Variants in GASK1A observed in about 807,000 individuals in gnomAD.
The protein encoded by GASK1A is golgi associated kinase 1A.
In GASK1A, 40 loss-of-function variants were observed where a neutral mutation model predicts 41.2. The observed-to-expected ratio is 0.97, with a 90% CI of 0.75 to 1.27. The LOEUF (loss-of-function observed/expected upper bound fraction) is 1.27, where lower values mean the gene tolerates loss of function less well. GASK1A is among the 50% of genes most tolerant of loss of function. The probability of loss-of-function intolerance (pLI) is 0.00; values close to 1 mark genes in which losing one functional copy is unlikely to be tolerated. For missense variants in GASK1A, 678 were observed against 745.1 expected (o/e 0.91, Z 1.05); for synonymous variants, 316 against 307.1 (o/e 1.03, Z -0.30).
At chr3:43,032,238 C>G in intron 1 of GASK1A, 29 bp from the exon 2 acceptor site, 1 of 1,477,918 alleles carries the variant, frequency 6.8e-7, no homozygotes, top group Non-Finnish European at 9.1e-7. Context: ...TCCCAGATCT[C>G]AAGCTTTTCT....
intron 1 of GASK1A, among the ~76,000 whole-genome samples, chr3:43,010,858 C>T (rs934522771): frequency 6.6e-6 from 1 of 152,154 alleles, no homozygotes; most frequent in African/African-American, 2.4e-5. Context: ...GGCAGACAGC[C>T]ATGGACACAT....
At chr3:43,006,509 T>C (rs1313679285) in intron 1 of GASK1A, among the ~76,000 whole-genome samples, 2 of 152,226 alleles carry the variant, frequency 1.3e-5, no homozygotes, top group Admixed American at 1.3e-4. Context: ...TTTTGAAGGC[T>C]TTGCTCAATG....
Position 43,041,044 on chromosome 3 carries a change from G to C in GASK1A, c.1290+7491G>C, listed in dbSNP as rs1388358691. Among the ~76,000 whole-genome samples the C allele has an allele frequency of 4.0e-5, 6 of 150,514 alleles. No individual in the cohort carries two copies. In the East Asian group the frequency reaches 1.2e-3, roughly 29 times the overall value. On this transcript the variant is annotated intron_variant, in intron 2 of 4. Transcript: ENST00000430121. ...CCAATTTCATCCATGTCCCTACAAA[G>C]GACATGAACTCATCATTTTTTATGG... is the stretch of plus-strand genomic sequence containing the variant.
chr3:43,019,634 G>A (rs2089511520), intron 1 of GASK1A, among the ~76,000 whole-genome samples: 1 of 152,108 alleles, frequency 6.6e-6, no homozygotes, highest in South Asian at 2.1e-4. Flanking sequence ...TTAACTCAGA[G>A]CCTAAGTAGT....
Position 43,033,362 on chromosome 3 carries a change from C to A in GASK1A, c.1099C>A (p.Pro367Thr). The A allele has an allele frequency of 6.4e-7, 1 of 1,551,550 alleles. No individual in the cohort carries two copies. The highest frequency in any genetic ancestry group is 1.2e-5 in the South Asian group (1 of 84,050). Residue 367 changes from proline (P) to threonine (T), a missense_variant, in exon 2 of 5, where the codon CCT (proline) becomes ACT (threonine). Physicochemically the swap from Pro to Thr is conservative, Grantham distance 38. Coordinates refer to ENST00000430121, the MANE Select transcript of GASK1A (RefSeq NM_001129908.3). ...PYRYTDGGARPVIWWAPDVQH... is the reference protein window; with the variant it reads ...PYRYTDGGARTVIWWAPDVQH... ...CCGATACACAGACGGTGGAGCAAGG[C>A]CTGTCATCTGGTGGGCACCCGATGT... is the stretch of plus-strand genomic sequence containing the variant.
chr3:43,001,165 T>A (rs2125676885), intron 1 of GASK1A, among the ~76,000 whole-genome samples: 1 of 152,322 alleles, frequency 6.6e-6, no homozygotes, highest in South Asian at 2.1e-4. Context: ...ATCTTCACCT[T>A]GGCAGAACCC....
chr3:42,990,514 G>A (rs1249377831), intron 1 of GASK1A, among the ~76,000 whole-genome samples: 2 of 152,150 alleles, frequency 1.3e-5, no homozygotes, highest in African/African-American at 4.8e-5. Flanking sequence ...TTTTTTATCA[G>A]AGAGGCATCT....
chr3:43,012,420 T>G (rs1400797357), intron 1 of GASK1A, among the ~76,000 whole-genome samples: 4 of 123,624 alleles, frequency 3.2e-5, no homozygotes, highest in African/African-American at 6.4e-5. Context: ...TTACAGGAAG[T>G]GGCTCTGTTA....
chr3:43,033,316 C>G lies in GASK1A; in HGVS notation c.1053C>G (p.Phe351Leu). 1 of 1,551,272 alleles carries G rather than the reference C, an allele frequency of 6.4e-7. No homozygotes were observed. Among genetic ancestry groups the G allele is most frequent in the Non-Finnish European group, 8.7e-7 (1 of 1,146,814 alleles). Residue 351 changes from phenylalanine (F) to leucine (L), a missense_variant, in exon 2 of 5, where the codon TTC (phenylalanine) becomes TTG (leucine). Transcript: ENST00000430121. ...GCCTACCTGCTGTGGCCCGCCGCTT[C>G]CATAGCCCCCTCCTGCCCTACCGAT... ...RRSLPAVARR[F>L]HSPLLPYRYT... is the part of the protein sequence containing the mutation.
chr3:43,027,184 C>T (rs530201424), intron 1 of GASK1A, among the ~76,000 whole-genome samples: 1 of 152,252 alleles, frequency 6.6e-6, no homozygotes, highest in Non-Finnish European at 1.5e-5. Context: ...TGCAAGAAAT[C>T]AGAGAATATT....
intron 1 of GASK1A, among the ~76,000 whole-genome samples, chr3:43,031,431 T>A (rs1373457782): frequency 6.6e-6 from 1 of 152,204 alleles, no homozygotes; most frequent in Non-Finnish European, 1.5e-5. Context: ...AATTCTGGTG[T>A]GGGGCCCTGA....
chr3:42,986,685 T>C (rs1427382021), intron 1 of GASK1A, among the ~76,000 whole-genome samples: 1 of 152,144 alleles, frequency 6.6e-6, no homozygotes, highest in Non-Finnish European at 1.5e-5. Flanking sequence ...GTTTGTGTTA[T>C]TGTCCCTAGG....
chr3:43,005,875 TG>T (rs1412495700), intron 1 of GASK1A, among the ~76,000 whole-genome samples: 1 of 152,194 alleles, frequency 6.6e-6, no homozygotes, highest in East Asian at 1.9e-4. Context: ...ATTCAATTTG[TG>T]GGTGGAAGAC....
intron 1 of GASK1A, among the ~76,000 whole-genome samples, chr3:42,998,145 A>G (rs1302284752): frequency 6.6e-6 from 1 of 152,176 alleles, no homozygotes; most frequent in Non-Finnish European, 1.5e-5. Context: ...TATGGAGGAC[A>G]CTGATTGTGA....
At chr3:43,041,029 C>T (rs1365552874) in intron 2 of GASK1A, among the ~76,000 whole-genome samples, 1 of 150,524 alleles carries the variant, frequency 6.6e-6, no homozygotes, top group Non-Finnish European at 1.5e-5. Context: ...CCAATTTCAT[C>T]CATGTCCCTA....
intron 1 of GASK1A, among the ~76,000 whole-genome samples, chr3:43,007,259 G>C (rs1288677322): frequency 6.6e-6 from 1 of 152,164 alleles, no homozygotes; most frequent in East Asian, 1.9e-4. Flanking sequence ...TACTTGGGGG[G>C]CCCTTGCAAT....
At position 42,979,361 on chromosome 3, in the gene GASK1A, G is replaced by T. The variant is rs1423936118; in HGVS notation, c.-282G>T. ...GAGTAGACCGCAGAGGCTCGCGGCC[G>T]CGGGTAGGCTCCCTCAGATCCCCGT... On this transcript the variant is annotated 5_prime_UTR_variant, in exon 1 of 5. Coordinates refer to ENST00000430121, the MANE Select transcript of GASK1A (RefSeq NM_001129908.3). The T allele has an allele frequency of 2.1e-5, 8 of 380,318 alleles. No homozygotes were observed. Among genetic ancestry groups the T allele is most frequent in the African/African-American group, 1.7e-4 (8 of 48,046 alleles). 23.6% of individuals were successfully genotyped at this position (380,318 alleles called of 1,614,324 possible). A position where few individuals can be genotyped will look rare whatever the true frequency, so the allele number is the denominator to read the frequency against.
At chr3:43,004,045 C>G (rs2089422940) in intron 1 of GASK1A, among the ~76,000 whole-genome samples, 1 of 152,106 alleles carries the variant, frequency 6.6e-6, no homozygotes, top group African/African-American at 2.4e-5. Flanking sequence ...TAACATTTAC[C>G]TGCTCTCTGA....
intron 1 of GASK1A, among the ~76,000 whole-genome samples, chr3:43,017,727 A>C (rs1003933881): frequency 6.6e-6 from 1 of 151,852 alleles, no homozygotes; most frequent in African/African-American, 2.4e-5. Flanking sequence ...AAGCCACAGG[A>C]AGGGGCAGCG....
Sources: gnomAD v4.1 joint callset for allele counts (sites outside exome capture counted in the v4.1 genomes callset) on GRCh38, gnomAD v4.1.1 for gene constraint, MANE v1.5 for transcripts, NCBI Gene and HGNC (gene_info 2026-07-23, HGNC 2026-07-21) for gene names.